RORA: variants seen among roughly 807,000 people sequenced by gnomAD.
RORA encodes the protein RAR related orphan receptor A.
In RORA, 7 loss-of-function variants were observed where a neutral mutation model predicts 69.5. The ratio of observed to expected loss-of-function variants is 0.10; its 90% CI spans 0.06 to 0.19. The LOEUF (loss-of-function observed/expected upper bound fraction) is 0.19, where lower values mean the gene tolerates loss of function less well. RORA is among the 10% of genes least tolerant of loss of function. The pLI is 1.00. For synonymous variants in RORA, 261 were observed against 240.8 expected (o/e 1.08, Z -0.78); for missense variants, 457 against 663.0 (o/e 0.69, Z 3.41).
At chr15:60,819,759 A>ACC (rs1555455747) in intron 1 of RORA, among the ~76,000 whole-genome samples, 1 of 132,798 alleles carries the variant, frequency 7.5e-6, no homozygotes, top group African/African-American at 2.8e-5. Context: ...ACACACACAC[A>ACC]CACACACACA....
intron 1 of RORA, among the ~76,000 whole-genome samples, chr15:60,716,920 A>T (rs765564201): frequency 4.6e-5 from 7 of 152,188 alleles, no homozygotes; most frequent in Non-Finnish European, 8.8e-5. Flanking sequence ...AATATCCTCT[A>T]TAATAAACTG....
intron 1 of RORA, among the ~76,000 whole-genome samples, chr15:61,134,983 A>G (rs1382934947): frequency 6.6e-6 from 1 of 152,152 alleles, no homozygotes; most frequent in East Asian, 1.9e-4. Flanking sequence ...GATTTCAAGC[A>G]AACCCCTGTC....
At chr15:60,981,164 A>T (rs1894034561) in intron 1 of RORA, among the ~76,000 whole-genome samples, 1 of 151,802 alleles carries the variant, frequency 6.6e-6, no homozygotes, top group Admixed American at 6.6e-5. Context: ...TTGTGATGAG[A>T]AATCAGTTGA....
intron 1 of RORA, among the ~76,000 whole-genome samples, chr15:60,941,012 T>C (rs1201067152): frequency 6.6e-6 from 1 of 152,210 alleles, no homozygotes; most frequent in Non-Finnish European, 1.5e-5. Context: ...CCATGATTTT[T>C]CTCCTATGTG....
chr15:60,552,377 A>G (rs1389920618), intron 2 of RORA, among the ~76,000 whole-genome samples: 6 of 152,174 alleles, frequency 3.9e-5, no homozygotes, highest in Admixed American at 6.5e-5. Flanking sequence ...CCCGCAAGTC[A>G]CCTGCTATGA....
In RORA at chr15:61,010,158, C is replaced by A. The variant is rs551195633; in HGVS notation, c.166+218895G>T. On this transcript the variant is annotated intron_variant, in intron 1 of 10. Transcript: ENST00000335670. ...AGATGGTGAGTTAAAAAGAAAGACA[C>A]TGGAAGAGTAGAATTAAATGTAAAT... Among the ~76,000 whole-genome samples the A allele has an allele frequency of 3.3e-5, 5 of 152,300 alleles. No individual in the cohort carries two copies. In the South Asian group the frequency reaches 1.0e-3, roughly 32 times the overall value.
At chr15:60,822,370 GC>G (rs2072904223) in intron 1 of RORA, among the ~76,000 whole-genome samples, 1 of 152,120 alleles carries the variant, frequency 6.6e-6, no homozygotes. Flanking sequence ...AGACCCATGA[GC>G]CAGCCCATTC....
chr15:61,034,996 A>G (rs1360996844), intron 1 of RORA, among the ~76,000 whole-genome samples: 1 of 152,222 alleles, frequency 6.6e-6, no homozygotes, highest in African/African-American at 2.4e-5. Flanking sequence ...ATAAAAAACA[A>G]TGGAAAATAT....
intron 3 of RORA, among the ~76,000 whole-genome samples, chr15:60,516,760 C>A (rs1345812246): frequency 1.3e-5 from 2 of 152,046 alleles, no homozygotes; most frequent in Admixed American, 6.5e-5. Flanking sequence ...AAAGATTTTC[C>A]TACAAGGGTG....
chr15:60,718,439 G>A (rs896903333), intron 1 of RORA, among the ~76,000 whole-genome samples: 17 of 151,988 alleles, frequency 1.1e-4, no homozygotes, highest in Admixed American at 6.5e-4. Context: ...AAATGAGTCC[G>A]GTAAATGAAA....
intron 2 of RORA, among the ~76,000 whole-genome samples, chr15:60,676,429 A>G (rs1201160601): frequency 1.3e-5 from 2 of 152,144 alleles, no homozygotes; most frequent in Non-Finnish European, 2.9e-5. Flanking sequence ...ATTCTTTCCA[A>G]TTTTGTCATT....
intron 1 of RORA, among the ~76,000 whole-genome samples, chr15:61,124,327 T>C (rs2079126460): frequency 6.6e-6 from 1 of 152,210 alleles, no homozygotes; most frequent in African/African-American, 2.4e-5. Context: ...TATATTTGGA[T>C]CCCGACTGCG....
intron 1 of RORA, among the ~76,000 whole-genome samples, chr15:61,034,820 A>G (rs1198117280): frequency 6.7e-6 from 1 of 148,398 alleles, no homozygotes; most frequent in Non-Finnish European, 1.5e-5. Context: ...AATCCACTCA[A>G]GGAAGTAGTG....
chr15:61,044,271 G>A (rs1289939632), intron 1 of RORA, among the ~76,000 whole-genome samples: 1 of 152,162 alleles, frequency 6.6e-6, no homozygotes, highest in African/African-American at 2.4e-5. Context: ...AGGAGGCCAC[G>A]TGGCCCTGTA....
chr15:60,706,352 T>G (rs75369298), intron 1 of RORA: 25 of 152,436 alleles, frequency 1.6e-4, no homozygotes, highest in African/African-American at 5.8e-4. Context: ...TGGCTGTGGT[T>G]TGGTTTCTCA....
intron 1 of RORA, among the ~76,000 whole-genome samples, chr15:60,781,849 T>C (rs1001433760): frequency 2.6e-5 from 4 of 152,228 alleles, no homozygotes; most frequent in African/African-American, 9.6e-5. Flanking sequence ...TCCCAGATTT[T>C]GGAGTCTGGG....
At chr15:60,532,428 A>G (rs980976242) in intron 2 of RORA, among the ~76,000 whole-genome samples, 1 of 152,210 alleles carries the variant, frequency 6.6e-6, no homozygotes, top group African/African-American at 2.4e-5. Flanking sequence ...CATAGAGTTA[A>G]TATCTTGTTT....
chr15:60,490,698 G>A lies in RORA; in HGVS notation c.*6757C>T, dbSNP rs1464781713. 2.0e-5 allele frequency: 3 copies of A among 152,118 alleles called. No individual in the cohort carries two copies. Among genetic ancestry groups the A allele is most frequent in the Admixed American group, 6.6e-5 (1 of 15,260 alleles). 9.4% of individuals were successfully genotyped at this position (152,118 alleles called of 1,614,324 possible). Reference sequence around the variant, plus strand: ...GTATTTTTTAAGTCTATGCACAAAAGTCATTTGTTTTATTGCTTGACATTC... The same window carrying A: ...GTATTTTTTAAGTCTATGCACAAAAATCATTTGTTTTATTGCTTGACATTC... On this transcript the variant is annotated 3_prime_UTR_variant, in exon 11 of 11. Transcript: ENST00000335670. The surrounding 1 kb of genome is among the most constrained non-coding windows in gnomAD (Gnocchi z 4.1).
chr15:61,171,401 C>A (rs2079583873), intron 1 of RORA, among the ~76,000 whole-genome samples: 1 of 152,182 alleles, frequency 6.6e-6, no homozygotes, highest in Non-Finnish European at 1.5e-5. Context: ...CTGTTGGCCC[C>A]ACCCCCAGAG....
Sources: gnomAD v4.1 joint callset for allele counts (sites outside exome capture counted in the v4.1 genomes callset) on GRCh38, gnomAD v4.1.1 for gene constraint, Gnocchi (gnomAD v3.1) non-coding constraint, MANE v1.5 for transcripts, NCBI Gene and HGNC (gene_info 2026-07-23, HGNC 2026-07-21) for gene names.